Variants in IL17RC observed in about 807,000 individuals in gnomAD.
IL17RC encodes interleukin 17 receptor C.
In IL17RC, 53 loss-of-function variants were observed where a neutral mutation model predicts 86.7. That is an observed-to-expected ratio of 0.61 (90% CI 0.49 to 0.77). The LOEUF (loss-of-function observed/expected upper bound fraction) is 0.77. Among genes scored for constraint, IL17RC ranks in the 30% least tolerant of loss-of-function variants. The pLI is 0.00. For synonymous variants in IL17RC, 439 were observed against 413.1 expected, an observed-to-expected ratio of 1.06 and a Z score of -0.76; for missense variants, 957 against 940.0, an observed-to-expected ratio of 1.02 and a Z score of -0.24.
Position 9,930,903 on chromosome 3 carries a change from C to T in IL17RC, c.1347C>T (p.Asp449=), listed in dbSNP as rs375119151. The T allele has an allele frequency of 1.1e-4, 182 of 1,613,986 alleles. No homozygotes were observed. The highest frequency in any genetic ancestry group is 1.3e-4 in the Non-Finnish European group (155 of 1,179,836). ...CTGTTTGTATCTTACAGCTATGGGACGATGACTTGGGAGCGCTATGGGCCT... is the reference window on the plus strand; with the variant it reads ...CTGTTTGTATCTTACAGCTATGGGATGATGACTTGGGAGCGCTATGGGCCT... ...LQSGQCLQLW[D]DDLGALWACP... Residue 449 remains aspartate (D), a synonymous_variant, in exon 16 of 19, where the codon GAC becomes GAT. Coordinates refer to ENST00000403601, the MANE Select transcript of IL17RC (RefSeq NM_153460.4). The surrounding 1 kb of genome is among the most constrained non-coding windows in gnomAD (Gnocchi z 5.8).
chr3:9,918,535 GCCTAC>G lies in IL17RC; in HGVS notation c.397_401del (p.Pro133CysfsTer27). 1.2e-6 allele frequency: 2 copies of G among 1,614,126 alleles called. No individual in the cohort carries two copies. The highest frequency in any genetic ancestry group is 1.7e-6 in the Non-Finnish European group (2 of 1,180,020). On this transcript the variant is annotated frameshift_variant, in exon 5 of 19. Coordinates refer to ENST00000403601, the MANE Select transcript of IL17RC (RefSeq NM_153460.4). LOFTEE classifies it high-confidence loss of function. ...GGCCCAAGTCGTGCTCTCCTTCCAG[GCCTAC>G]CCTACTGCCCGCTGCGTCCTGCTGG...
At chr3:9,929,107 C>G (rs185512689) in intron 12 of IL17RC, 483 of 157,600 alleles carry the variant, frequency 3.1e-3, no homozygotes, top group South Asian at 0.021. Context: ...GAGGTCAGGA[C>G]ATCAAGACCA....
At position 9,933,065 on chromosome 3, in the gene IL17RC, C is replaced by G; in HGVS notation, c.1635C>G (p.Ala545=). ...TGTGCCAGCTGCCGCTGCGCGTGGC[C>G]GTAGACCTGTGGAGCCGTCGTGAAC... ...SALCQLPLRV[A]VDLWSRRELS... Residue 545 remains alanine (A), a synonymous_variant, in exon 19 of 19, where the codon GCC becomes GCG. Coordinates refer to ENST00000403601, the MANE Select transcript of IL17RC (RefSeq NM_153460.4). The G allele has an allele frequency of 1.9e-6, 3 of 1,553,862 alleles. No homozygotes were observed. Among genetic ancestry groups the G allele is most frequent in the Middle Eastern group, 1.7e-4 (1 of 5,780 alleles).
At chr3:9,929,919 CT>C in intron 13 of IL17RC, 22 bp downstream of exon 13, 1 of 1,614,056 alleles carries the variant, frequency 6.2e-7, no homozygotes, top group Non-Finnish European at 8.5e-7. Flanking sequence ...CTGGGGGCAG[CT>C]GGGGCAGGGC....
Position 9,918,007 on chromosome 3 carries a change from T to G in IL17RC, c.212T>G (p.Val71Gly), listed in dbSNP as rs1480357681. Residue 71 changes from valine (V) to glycine (G), a missense_variant, in exon 3 of 19, where the codon GTG (valine) becomes GGG (glycine). Val to Gly is a moderately radical substitution (Grantham distance 109). Coordinates refer to ENST00000403601, the MANE Select transcript of IL17RC (RefSeq NM_153460.4). Reference sequence around the variant, plus strand: ...CCTACGCACCTGCAGACAGAGCTGGTGCTGAGGTGCCAGAAGGAGACCGAC... The same window carrying G: ...CCTACGCACCTGCAGACAGAGCTGGGGCTGAGGTGCCAGAAGGAGACCGAC... ...LAPTHLQTELVLRCQKETDCD... is the reference protein window; with the variant it reads ...LAPTHLQTELGLRCQKETDCD... The G allele has an allele frequency of 5.0e-6, 8 of 1,613,568 alleles. No homozygotes were observed. The highest frequency in any genetic ancestry group is 1.3e-5 in the African/African-American group (1 of 74,922).
In IL17RC at chr3:9,932,585, CTCT is replaced by C. The variant is rs772767141; in HGVS notation, c.1388-16_1388-14del. The C allele has an allele frequency of 7.5e-6, 12 of 1,606,096 alleles. No homozygotes were observed. The highest frequency in any genetic ancestry group is 4.5e-5 in the East Asian group (2 of 44,856). On this transcript the variant is annotated intron_variant, in intron 16 of 18. Coordinates refer to ENST00000403601, the MANE Select transcript of IL17RC (RefSeq NM_153460.4). ...TTCTCTGTGGAGGGTAAGTTTCTAA[CTCT>C]TCTTCTCTGGGTCTCCCAGACATCC...
rs147238312 is a variant in IL17RC at position 9,929,041 on chromosome 3, G to A, written c.1110+411G>A. 7.7e-4 allele frequency: 131 copies of A among 170,946 alleles called. No homozygotes were observed. The East Asian group carries it at 9.3e-3, about 12-fold the overall frequency. 10.6% of individuals were successfully genotyped at this position (170,946 alleles called of 1,614,324 possible). ...AGAACATTCACTCATCCGGCCAGGC[G>A]CGGTGGCTCACGCCTGTAATCCCAG... On this transcript the variant is annotated intron_variant, in intron 12 of 18. Coordinates refer to ENST00000403601, the MANE Select transcript of IL17RC (RefSeq NM_153460.4).
chr3:9,933,543 G>A lies in IL17RC; in HGVS notation c.2113G>A (p.Gly705Arg), dbSNP rs770713829. 9.3e-6 allele frequency: 15 copies of A among 1,606,540 alleles called. No homozygotes were observed. The highest frequency in any genetic ancestry group is 2.2e-5 in the East Asian group (1 of 44,630). ...CCATCCCCCGGGGACTCCCGCGCCG[G>A]GACGCGGGGTGGGACCAGGCGCGGG... ...YFHPPGTPAP[G>R]RGVGPGAGPG... Residue 705 changes from glycine to arginine, a missense_variant, in exon 19 of 19, where the codon GGA becomes AGA. Gly to Arg is a moderately radical substitution (Grantham distance 125). Coordinates refer to ENST00000403601, the MANE Select transcript of IL17RC (RefSeq NM_153460.4).
chr3:9,931,452 T>TACACACACACACACACACAC (rs1559320584), intron 16 of IL17RC, among the ~76,000 whole-genome samples: 1 of 11,140 alleles, frequency 9.0e-5, no homozygotes, highest in Admixed American at 1.4e-3. Flanking sequence ...TTTTATATAT[T>TACACACACACACACACACAC]TCACACACAC....
rs779122429 is a variant in IL17RC at position 9,930,388 on chromosome 3, T to C, written c.1279-12T>C. On this transcript the variant is annotated splice_polypyrimidine_tract_variant and intron_variant, in intron 14 of 18. Coordinates refer to ENST00000403601, the MANE Select transcript of IL17RC (RefSeq NM_153460.4). The surrounding 1 kb of genome is among the most constrained non-coding windows in gnomAD (Gnocchi z 5.8). ...CTCCAGGTAACAGTGCCCCCATCCT[T>C]TGGCTTGGCAGAGGGCAGCTCGCCT... The C allele has an allele frequency of 6.2e-7, 1 of 1,613,950 alleles. No individual in the cohort carries two copies. Among genetic ancestry groups the C allele is most frequent in the East Asian group, 2.2e-5 (1 of 44,884 alleles).
rs7643547 is a variant in IL17RC, at chr3:9,917,349, C to T, written c.34C>T (p.Leu12=). ...PVPWFLLSLA[L]GRSPVVLSLE... The stretch of plus-strand genomic sequence containing the variant: ...GCCCTGGTTCTTGCTGTCCTTGGCA[C>T]TGGGCCGAAGCCCAGTGGTCCTTTC... The change falls in exon 1 of 19, where the codon CTG becomes TTG. Residue 12 remains leucine (L), a synonymous_variant. Transcript: ENST00000403601. The T allele has an allele frequency of 4.6e-3, 7,428 of 1,614,114 alleles. 263 individuals carry two copies. In the African/African-American group the frequency reaches 0.083, roughly 18 times the overall value.
intron 16 of IL17RC, among the ~76,000 whole-genome samples, chr3:9,931,900 G>T (rs2084748310): frequency 5.3e-5 from 8 of 151,820 alleles, no homozygotes; most frequent in Admixed American, 5.2e-4. Flanking sequence ...ACAGGGCAGG[G>T]ACACCAGGTA....
rs1338008007 is a variant in IL17RC at position 9,932,851 on chromosome 3, C to T, written c.1515C>T (p.Arg505=). 1.3e-6 allele frequency: 2 copies of T among 1,568,256 alleles called. No individual in the cohort carries two copies. The highest frequency in any genetic ancestry group is 4.5e-5 in the East Asian group (2 of 44,666). ...TGAGGCTCTTGAAACAGGACGTCCGCTCGGGGGGTGAGTGGGAGCAAGCGC... is the reference window on the plus strand; with the variant it reads ...TGAGGCTCTTGAAACAGGACGTCCGTTCGGGGGGTGAGTGGGAGCAAGCGC... ...GWLRLLKQDV[R]SGAAARGRAA... Residue 505 remains arginine (R), a synonymous_variant, in exon 18 of 19, where the codon CGC becomes CGT. Coordinates refer to ENST00000403601, the MANE Select transcript of IL17RC (RefSeq NM_153460.4).
At chr3:9,922,759 G>T (rs1450479438) in intron 7 of IL17RC, among the ~76,000 whole-genome samples, 2 of 152,226 alleles carry the variant, frequency 1.3e-5, no homozygotes, top group East Asian at 3.9e-4. Flanking sequence ...AGAGGTCAGG[G>T]ATGGTCTCAT....
In IL17RC at chr3:9,933,472, C is replaced by A. The variant is rs371918201; in HGVS notation, c.2042C>A (p.Ala681Glu). 5.0e-6 allele frequency: 8 copies of A among 1,612,454 alleles called. 1 individual carries two copies. In the African/African-American group the frequency reaches 6.7e-5, roughly 13 times the overall value. ...CGTTCCGGGCGGCTCCAAGAGAGAGCGGAGCAAGTGTCCCGGGCCCTTCAG... is the reference window on the plus strand; with the variant it reads ...CGTTCCGGGCGGCTCCAAGAGAGAGAGGAGCAAGTGTCCCGGGCCCTTCAG... The part of the protein sequence containing the change: ...APRSGRLQER[A>E]EQVSRALQPA... The change falls in exon 19 of 19, where the codon GCG becomes GAG. Residue 681 changes from alanine (A) to glutamate (E), a missense_variant. Ala to Glu is a moderately radical substitution (Grantham distance 107). Coordinates refer to ENST00000403601, the MANE Select transcript of IL17RC (RefSeq NM_153460.4).
chr3:9,924,883 C>T (rs1462470022), intron 9 of IL17RC, among the ~76,000 whole-genome samples: 1 of 151,632 alleles, frequency 6.6e-6, no homozygotes, highest in African/African-American at 2.4e-5. Flanking sequence ...CACACTGCAG[C>T]CTCAGCCCCA....
In IL17RC at chr3:9,922,680, C is replaced by A. The variant is rs140053384; in HGVS notation, c.623-1201C>A. 2.9e-4 allele frequency among the ~76,000 whole-genome samples: 44 copies of A among 152,194 alleles called. No homozygotes were observed. In the East Asian group the frequency reaches 8.1e-3, roughly 28 times the overall value. On this transcript the variant is annotated intron_variant, in intron 7 of 18. Coordinates refer to ENST00000403601, the MANE Select transcript of IL17RC (RefSeq NM_153460.4). ...CAAACACATGGAGATGTGAAGAATG[C>A]AGTAAGTTAGACAGTGATTAGCACT...
At position 9,917,733 on chromosome 3, in the gene IL17RC, G is replaced by C. The variant is rs374603469; in HGVS notation, c.126G>C (p.Trp42Cys). ...CCCAGGGCCTCTCCTGCCGCCTCTG[G>C]GGTAAGTATCCCTACTTTTAAAAAG... ...HCSPGLSCRL[W>C]DSDILCLPGD... is the part of the protein sequence containing the mutation. The change falls in exon 2 of 19, where the codon TGG (tryptophan) becomes TGC (cysteine). Residue 42 changes from tryptophan to cysteine, a missense_variant and splice_region_variant. Physicochemically the swap from Trp to Cys is radical, Grantham distance 215. Transcript: ENST00000403601. 1.9e-6 allele frequency: 3 copies of C among 1,613,590 alleles called. No individual in the cohort carries two copies. The highest frequency in any genetic ancestry group is 2.5e-6 in the Non-Finnish European group (3 of 1,180,012).
intron 5 of IL17RC, chr3:9,920,265 AG>A: frequency 4.1e-6 from 2 of 483,238 alleles, no homozygotes; most frequent in South Asian, 2.5e-5. Flanking sequence ...TTAAATGTCT[AG>A]GGCCTTTTCC....
Sources: allele counts gnomAD v4.1 joint callset (sites outside exome capture counted in the v4.1 genomes callset), GRCh38; gene constraint gnomAD v4.1.1; non-coding constraint Gnocchi (gnomAD v3.1); transcripts MANE v1.5; gene names NCBI Gene and HGNC (gene_info 2026-07-23, HGNC 2026-07-21).